PCNT: variants seen among roughly 807,000 people sequenced by gnomAD.
PCNT encodes the protein kendrin.
A neutral mutation model predicts 380.4 loss-of-function variants in PCNT; 319 were observed. That is an observed-to-expected ratio of 0.84 (90% CI 0.77 to 0.92). The LOEUF (loss-of-function observed/expected upper bound fraction) is 0.92. Ranked by LOEUF, PCNT falls within the 40% of genes least tolerant of loss-of-function variation. The pLI is 0.00. For missense variants in PCNT, 4,400 were observed against 4,255.3 expected (o/e 1.03, Z -0.95); for synonymous variants, 1,845 against 1,735.2 (o/e 1.06, Z -1.57).
rs1252092121 is a variant in PCNT, at chr21:46,411,635, C to A, written c.5562C>A (p.Ser1854=). 6.2e-7 allele frequency: 1 copy of A among 1,613,084 alleles called. No individual in the cohort carries two copies. Among genetic ancestry groups the A allele is most frequent in the South Asian group, 1.1e-5 (1 of 91,082 alleles). The part of the protein sequence containing the change: ...LREAEVEDMA[S]RIQEFEAALK... ...AGGCTGAGGTCGAAGACATGGCCTC[C>A]CGGATCCAGGAGTTCGAAGCGGCCC... is the stretch of plus-strand genomic sequence containing the variant. The change falls in exon 28 of 47, where the codon TCC becomes TCA. Residue 1854 remains serine, a synonymous_variant. Coordinates refer to ENST00000359568, the MANE Select transcript of PCNT (RefSeq NM_006031.6).
At position 46,402,334 on chromosome 21, in the gene PCNT, T is replaced by C. The variant is rs1487465765; in HGVS notation, c.4966T>C (p.Leu1656=). ...RALLRRESEV[L]DLKEQLEKMK... is the part of the protein sequence containing the mutation. ...TCTTCTTTTGTTTTAATGAAAGGTT[T>C]TGGACTTAAAAGAACAGCTAGAAAA... Residue 1656 remains leucine (L), a synonymous_variant, in exon 27 of 47, where the codon TTG becomes CTG. Coordinates refer to ENST00000359568, the MANE Select transcript of PCNT (RefSeq NM_006031.6). The C allele has an allele frequency of 1.3e-6, 2 of 1,597,024 alleles. No homozygotes were observed. Among genetic ancestry groups the C allele is most frequent in the Non-Finnish European group, 8.6e-7 (1 of 1,164,716 alleles).
At chr21:46,445,225 T>A (rs2053722783) in intron 46 of PCNT, 59 bp from the exon 47 acceptor site, 6 of 1,199,590 alleles carry the variant, frequency 5.0e-6, no homozygotes, top group Non-Finnish European at 7.5e-6. Flanking sequence ...TGGAATTCTT[T>A]TCAAAAAATC....
Position 46,416,736 on chromosome 21 carries a change from G to A in PCNT, c.6818G>A (p.Gly2273Glu). The A allele has an allele frequency of 1.3e-6, 2 of 1,595,334 alleles. No homozygotes were observed. Among genetic ancestry groups the A allele is most frequent in the South Asian group, 1.1e-5 (1 of 89,204 alleles). ...GACACCTCGCTGCCACAGACCCAGG[G>A]GCCGGGGCTGCTTTGTTCCCCAGGC... ...RADTSLPQTQGPGLLCSPGVS... is the reference protein window; with the variant it reads ...RADTSLPQTQEPGLLCSPGVS... Residue 2273 changes from glycine (G) to glutamate (E), a missense_variant, in exon 30 of 47, where the codon GGG becomes GAG. By Grantham distance (98) the Gly-to-Glu change is moderately conservative. Coordinates refer to ENST00000359568, the MANE Select transcript of PCNT (RefSeq NM_006031.6).
At position 46,381,693 on chromosome 21, in the gene PCNT, G is replaced by A; in HGVS notation, c.3166-1G>A. 1 of 1,613,142 alleles carries A rather than the reference G, an allele frequency of 6.2e-7. No homozygotes were observed. The highest frequency in any genetic ancestry group is 8.5e-7 in the Non-Finnish European group (1 of 1,179,110). Reference sequence around the variant, plus strand: ...TTTTTTATTGTTATTGATGTGTACAGGGTGAATTTGGAAGTGAAAAGAAAA... The same window carrying A: ...TTTTTTATTGTTATTGATGTGTACAAGGTGAATTTGGAAGTGAAAAGAAAA... On this transcript the variant is annotated splice_acceptor_variant, in intron 15 of 46. Coordinates refer to ENST00000359568, the MANE Select transcript of PCNT (RefSeq NM_006031.6). LOFTEE classifies it high-confidence loss of function.
At chr21:46,391,461 C>A in intron 21 of PCNT, 85 bp downstream of exon 21, 1 of 1,138,268 alleles carries the variant, frequency 8.8e-7, no homozygotes, top group Non-Finnish European at 1.3e-6. Flanking sequence ...CAAGGACACT[C>A]AGTGTCTCTA....
intron 16 of PCNT, 132 bp downstream of exon 16, chr21:46,381,972 G>A (rs564248373): frequency 1.1e-6 from 1 of 903,060 alleles, no homozygotes; most frequent in Non-Finnish European, 1.7e-6. Flanking sequence ...TGTACATTCA[G>A]TGGCGGAAGC....
At chr21:46,372,210 T>TGCACACAGCACATGTGC (rs1376321553) in intron 15 of PCNT, among the ~76,000 whole-genome samples, 1 of 137,486 alleles carries the variant, frequency 7.3e-6, no homozygotes, top group East Asian at 2.3e-4. Flanking sequence ...AGAGAGCACA[T>TGCACACAGCACATGTGC]GCACACAGCA....
intron 13 of PCNT, 63 bp downstream of exon 13, chr21:46,357,254 G>GA: frequency 1.7e-6 from 2 of 1,210,800 alleles, no homozygotes; most frequent in Non-Finnish European, 2.5e-6. Context: ...CCACCTGGAA[G>GA]GCTTGTGTCC....
chr21:46,346,294 G>A (rs1034276700), intron 4 of PCNT, 86 bp downstream of exon 4: 6 of 681,790 alleles, frequency 8.8e-6, no homozygotes, highest in African/African-American at 1.8e-5. Context: ...GGGGTGGGGT[G>A]GGCGCTGCCA....
intron 19 of PCNT, among the ~76,000 whole-genome samples, chr21:46,389,983 G>A (rs747361601): frequency 1.3e-5 from 2 of 152,188 alleles, no homozygotes. Context: ...GATGTCTTCC[G>A]TGGCTGAAAT....
intron 40 of PCNT, among the ~76,000 whole-genome samples, chr21:46,437,293 G>A (rs542699473): frequency 4.1e-4 from 51 of 123,842 alleles, no homozygotes; most frequent in African/African-American, 1.4e-3. Flanking sequence ...CACTTGTGTG[G>A]TCTTCGGGGG....
intron 27 of PCNT, among the ~76,000 whole-genome samples, chr21:46,409,668 C>T (rs1486815078): frequency 2.6e-5 from 4 of 152,130 alleles, no homozygotes; most frequent in South Asian, 2.1e-4. Flanking sequence ...GGCGCAGTCT[C>T]GGCTTACCGC....
Position 46,399,786 on chromosome 21 carries a change from G to A in PCNT, c.4781G>A (p.Gly1594Glu). 6 of 1,613,904 alleles carry A rather than the reference G, an allele frequency of 3.7e-6. No individual in the cohort carries two copies. The highest frequency in any genetic ancestry group is 5.1e-6 in the Non-Finnish European group (6 of 1,179,830). Residue 1594 changes from glycine (G) to glutamate (E), a missense_variant, in exon 25 of 47, where the codon GGG (glycine) becomes GAG (glutamate). Transcript: ENST00000359568. ...GAAAAACAGAAAAACATCGTGAAAG[G>A]GCTGGAACAGGTAAAGCGTCTCCAT... is the stretch of plus-strand genomic sequence containing the variant. ...EVEKQKNIVK[G>E]LEQDKEVLKK... is the part of the protein sequence containing the mutation.
In PCNT at chr21:46,432,161, G is replaced by T. The variant is rs761198938; in HGVS notation, c.8697G>T (p.Gln2899His). Residue 2899 changes from glutamine to histidine, a missense_variant, in exon 38 of 47, where the codon CAG becomes CAT. Transcript: ENST00000359568. Reference protein sequence around the residue: ...KAARRSAEARQSPAAAEQWRK... With the variant: ...KAARRSAEARHSPAAAEQWRK... The stretch of plus-strand genomic sequence containing the variant: ...CGAGGAGGAGCGCGGAGGCCAGGCA[G>T]AGCCCAGCGGCTGCGGAGCAGTGGA... The T allele has an allele frequency of 1.2e-6, 2 of 1,613,550 alleles. No individual in the cohort carries two copies. The highest frequency in any genetic ancestry group is 2.2e-5 in the East Asian group (1 of 44,888).
At position 46,430,186 on chromosome 21, in the gene PCNT, C is replaced by A. The variant is rs61735821; in HGVS notation, c.7867C>A (p.Leu2623Met). 6.2e-7 allele frequency: 1 copy of A among 1,613,986 alleles called. No individual in the cohort carries two copies. Among genetic ancestry groups the A allele is most frequent in the East Asian group, 2.2e-5 (1 of 44,876 alleles). ...TGAGAGCAGGCAGAAGAGCGAACAG[C>A]TGTCCCGGTCCCTCTGCGAGGTGCA... ...LCESRQKSEQ[L>M]SRSLCEVQQE... Residue 2623 changes from leucine to methionine, a missense_variant, in exon 36 of 47, where the codon CTG (leucine) becomes ATG (methionine). By Grantham distance (15) the Leu-to-Met change is conservative (BLOSUM62 2). Coordinates refer to ENST00000359568, the MANE Select transcript of PCNT (RefSeq NM_006031.6).
rs2086353350 is a variant in PCNT, at chr21:46,399,606, A to T, written c.4601A>T (p.Gln1534Leu). The T allele has an allele frequency of 1.2e-6, 2 of 1,613,164 alleles. No homozygotes were observed. The highest frequency in any genetic ancestry group is 1.7e-5 in the Admixed American group (1 of 59,992). ...PLDGEVELLQ[Q>L]KLREKLDEFN... ...TTGTTTTAGGTTGAGTTGTTACAACAAAAGTTGAGAGAAAAGTTGGATGAA... is the reference window on the plus strand; with the variant it reads ...TTGTTTTAGGTTGAGTTGTTACAACTAAAGTTGAGAGAAAAGTTGGATGAA... Residue 1534 changes from glutamine to leucine, a missense_variant, in exon 25 of 47, where the codon CAA (glutamine) becomes CTA (leucine). Transcript: ENST00000359568.
intron 29 of PCNT, among the ~76,000 whole-genome samples, chr21:46,414,792 T>C (rs1367720410): frequency 1.1e-3 from 59 of 51,794 alleles, no homozygotes; most frequent in Admixed American, 1.6e-3. Context: ...AGCCGCCCAC[T>C]CTCCTCCTCC....
At chr21:46,385,789 A>G (rs1039433730) in intron 16 of PCNT, 43 bp from the exon 17 acceptor site, 1 of 1,610,030 alleles carries the variant, frequency 6.2e-7, no homozygotes, top group Non-Finnish European at 8.5e-7. Flanking sequence ...TTTGCTTTTA[A>G]CCAAATTGTT....
At chr21:46,334,182 G>C (rs1407489721) in intron 2 of PCNT, among the ~76,000 whole-genome samples, 1 of 151,330 alleles carries the variant, frequency 6.6e-6, no homozygotes, top group Non-Finnish European at 1.5e-5. Context: ...TCCAGCCTGG[G>C]CGACAGAGCA....
Sources: allele counts gnomAD v4.1 joint callset (sites outside exome capture counted in the v4.1 genomes callset), GRCh38; gene constraint gnomAD v4.1.1; transcripts MANE v1.5; gene names NCBI Gene and HGNC (gene_info 2026-07-23, HGNC 2026-07-21).